The following MVB12A variants were observed in gnomAD, a reference collection of about 807,000 sequenced individuals.
MVB12A encodes CIN85/CD2AP family binding protein.
A neutral mutation model predicts 34.3 loss-of-function variants in MVB12A; 30 were observed. The ratio of observed to expected loss-of-function variants is 0.88; its 90% CI spans 0.65 to 1.19. MVB12A has a LOEUF of 1.19. Among genes scored for constraint, MVB12A ranks in the 50% most tolerant of loss-of-function variants. MVB12A has a pLI of 0.00. For missense variants in MVB12A, 355 were observed against 369.2 expected, an observed-to-expected ratio of 0.96 and a Z score of 0.31; for synonymous variants, 158 against 158.9, an observed-to-expected ratio of 0.99 and a Z score of 0.04.
chr19:17,420,063 C>G lies in MVB12A; in HGVS notation c.-73C>G, dbSNP rs144054597. The G allele has an allele frequency of 1.6e-5, 14 of 863,364 alleles. No homozygotes were observed. The highest frequency in any genetic ancestry group is 9.4e-4 in the Middle Eastern group (2 of 2,124). 53.5% of individuals were successfully genotyped at this position (863,364 alleles called of 1,614,324 possible). On this transcript the variant is annotated 5_prime_UTR_variant, in exon 1 of 9. Coordinates refer to ENST00000317040, the MANE Select transcript of MVB12A (RefSeq NM_138401.4). The stretch of plus-strand genomic sequence containing the variant: ...CTGGGAGTTGTAGTTCGGTCGCGAG[C>G]GCTGCCGTCGGGAGGCGCTCCGAGG...
chr19:17,423,554 C>G lies in MVB12A; in HGVS notation c.470C>G (p.Pro157Arg). The G allele has an allele frequency of 6.2e-7, 1 of 1,614,042 alleles. No homozygotes were observed. Among genetic ancestry groups the G allele is most frequent in the Non-Finnish European group, 8.5e-7 (1 of 1,180,026 alleles). Residue 157 changes from proline (P) to arginine (R), a missense_variant, in exon 5 of 9, where the codon CCC becomes CGC. Physicochemically the swap from Pro to Arg is moderately radical, Grantham distance 103. Transcript: ENST00000317040. ...AAGGCCAAGGCCCCGAGGCCAGTGC[C>G]CAAGCCCCGAGGTCTCAGCCGGGAC... The part of the protein sequence containing the change: ...CKKAKAPRPV[P>R]KPRGLSRDMQ...
At chr19:17,417,042 C>A, upstream of MVB12A, 1 of 398,176 alleles carries the variant, frequency 2.5e-6, no homozygotes, top group Middle Eastern at 8.9e-4. Flanking sequence ...TCTTCATCTT[C>A]CTCTTCCACT....
intron 2 of MVB12A, among the ~76,000 whole-genome samples, chr19:17,409,420 C>G (rs1015338165): frequency 1.3e-5 from 2 of 150,644 alleles, no homozygotes; most frequent in Non-Finnish European, 2.9e-5. Context: ...CATGAGCCAC[C>G]GCTCCCAGCC....
At chr19:17,424,093 G>C (rs2074855765) in intron 7 of MVB12A, 26 bp downstream of exon 7, 1 of 1,609,178 alleles carries the variant, frequency 6.2e-7, no homozygotes, top group Non-Finnish European at 8.5e-7. Context: ...AGGGAGCCTG[G>C]GTCTGCGCCT....
At chr19:17,408,003 C>A (rs1209659414) in intron 2 of MVB12A, among the ~76,000 whole-genome samples, 1 of 152,226 alleles carries the variant, frequency 6.6e-6, no homozygotes, top group Non-Finnish European at 1.5e-5. Context: ...TCTGGTCACA[C>A]CTCACTATGT....
rs758073315 is a variant in MVB12A, at chr19:17,423,632, A to C, written c.533+15A>C. 10 of 1,613,768 alleles carry C rather than the reference A, an allele frequency of 6.2e-6. No individual in the cohort carries two copies. The South Asian group carries it at 7.7e-5, about 12-fold the overall frequency. ...AGCCAGCCAAGGTGAGTCCTCAGGCACCGGAGTGGGGGTGGCCGTTGTGGG... is the reference window on the plus strand; with the variant it reads ...AGCCAGCCAAGGTGAGTCCTCAGGCCCCGGAGTGGGGGTGGCCGTTGTGGG... On this transcript the variant is annotated intron_variant, in intron 5 of 8. Coordinates refer to ENST00000317040, the MANE Select transcript of MVB12A (RefSeq NM_138401.4).
Position 17,422,325 on chromosome 19 carries a change from C to T in MVB12A, c.287-7C>T, listed in dbSNP as rs367897751. The T allele has an allele frequency of 2.0e-4, 323 of 1,609,662 alleles. 1 individual carries two copies. In the African/African-American group the frequency reaches 3.6e-3, roughly 18 times the overall value. Reference sequence around the variant, plus strand: ...CCCTCTCTCACTCCCCTACCCCCCACTCCCAGAGGCCTCTGTGTCCAAGAA... The same window carrying T: ...CCCTCTCTCACTCCCCTACCCCCCATTCCCAGAGGCCTCTGTGTCCAAGAA... On this transcript the variant is annotated splice_polypyrimidine_tract_variant and splice_region_variant and intron_variant, in intron 3 of 8. Transcript: ENST00000317040.
chr19:17,416,761 A>G (rs1252164483), upstream of MVB12A, among the ~76,000 whole-genome samples: 1 of 145,452 alleles, frequency 6.9e-6, no homozygotes, highest in African/African-American at 2.6e-5. Context: ...GTGCAGTGGC[A>G]TGATCTTGGC....
chr19:17,410,495 T>TATATATA (rs1252681143), intron 2 of MVB12A, among the ~76,000 whole-genome samples: 16 of 55,166 alleles, frequency 2.9e-4, no homozygotes, highest in African/African-American at 9.4e-4. Context: ...TGGTTTTAGC[T>TATATATA]TCATATATAT....
chr19:17,421,024 C>T (rs531317045), intron 3 of MVB12A: 23 of 469,594 alleles, frequency 4.9e-5, no homozygotes, highest in East Asian at 4.6e-4. Context: ...GCTCATTCTC[C>T]GTCCTCCGTC....
At chr19:17,419,878 G>A (rs1390958246), upstream of MVB12A, 16 of 350,136 alleles carry the variant, frequency 4.6e-5, no homozygotes, top group East Asian at 6.9e-4. Flanking sequence ...GGCGCGGAAA[G>A]CCGGCAAGAC....
At chr19:17,419,422 T>C (rs1290790977), upstream of MVB12A, 1 of 152,228 alleles carries the variant, frequency 6.6e-6, no homozygotes, top group African/African-American at 2.4e-5. Context: ...TAAATTCTTT[T>C]ATACGTCGCT....
At chr19:17,408,024 C>A (rs182136904) in intron 2 of MVB12A, among the ~76,000 whole-genome samples, 6 of 152,324 alleles carry the variant, frequency 3.9e-5, no homozygotes, top group African/African-American at 1.4e-4. Context: ...CCCCTCAGCT[C>A]CTATCTCTGT....
intron 4 of MVB12A, chr19:17,422,736 G>A (rs2074846097): frequency 5.1e-6 from 1 of 194,978 alleles, no homozygotes; most frequent in Non-Finnish European, 1.0e-5. Context: ...CGATCACAAG[G>A]TCAGGAGATC....
chr19:17,420,014 C>CGCTG, upstream of MVB12A: 1 of 354,140 alleles, frequency 2.8e-6, no homozygotes, highest in Non-Finnish European at 4.1e-6. Context: ...GGGCAATCTC[C>CGCTG]GCCCCCCCCC....
In MVB12A at chr19:17,424,058, CA is replaced by C. The variant is rs1329408592; in HGVS notation, c.694del (p.Ser232AlafsTer11). Reference protein sequence around the residue: ...LHPRFEGKSCSPLAFSAFGDL... With the variant: ...LHPRFEGKSCXPLAFSAFGDL... The stretch of plus-strand genomic sequence containing the variant: ...ACCCACGATTTGAGGGCAAGAGCTG[CA>C]GCCCCCTGGTGAGTCGGGGTCTCAG... On this transcript the variant is annotated frameshift_variant, in exon 7 of 9. Coordinates refer to ENST00000317040, the MANE Select transcript of MVB12A (RefSeq NM_138401.4). LOFTEE classifies it high-confidence loss of function. 1.2e-6 allele frequency: 2 copies of C among 1,614,152 alleles called. No individual in the cohort carries two copies. The highest frequency in any genetic ancestry group is 1.7e-6 in the Non-Finnish European group (2 of 1,180,022).
At chr19:17,423,957 G>T (rs1250387162) in intron 6 of MVB12A, 49 bp from the exon 7 acceptor site, 2 of 1,604,740 alleles carry the variant, frequency 1.2e-6, no homozygotes, top group Non-Finnish European at 1.7e-6. Flanking sequence ...TGTGGGTGGG[G>T]TGGGCAGTTC....
At chr19:17,423,359 CCA>C in intron 4 of MVB12A, 137 bp from the exon 5 acceptor site, 4 of 1,052,010 alleles carry the variant, frequency 3.8e-6, no homozygotes, top group Non-Finnish European at 5.4e-6. Context: ...AACTCCGTCC[CCA>C]AAAAAAAAAA....
rs2074828093 is a variant in MVB12A at position 17,420,144 on chromosome 19, C to T, written c.9C>T (p.Pro3=). 2 of 1,365,476 alleles carry T rather than the reference C, an allele frequency of 1.5e-6. No homozygotes were observed. Among genetic ancestry groups the T allele is most frequent in the Non-Finnish European group, 9.4e-7 (1 of 1,064,460 alleles). 84.6% of individuals were successfully genotyped at this position (1,365,476 alleles called of 1,614,324 possible). The change falls in exon 1 of 9, where the codon CCC becomes CCT. Residue 3 remains proline (P), a synonymous_variant. Transcript: ENST00000317040. Reference sequence around the variant, plus strand: ...GGCGCTCGGCTCGCAGGATGGATCCCGTACCCGGGACAGACTCGGCGCCGC... The same window carrying T: ...GGCGCTCGGCTCGCAGGATGGATCCTGTACCCGGGACAGACTCGGCGCCGC... MD[P]VPGTDSAPLA... is the part of the protein sequence containing the mutation.
Sources: allele counts gnomAD v4.1 joint callset (sites outside exome capture counted in the v4.1 genomes callset), GRCh38; gene constraint gnomAD v4.1.1; transcripts MANE v1.5; gene names NCBI Gene and HGNC (gene_info 2026-07-23, HGNC 2026-07-21).